ZNF780B: variants seen among roughly 807,000 people sequenced by gnomAD.
ZNF780B encodes the protein zinc finger protein 780B, also known as zinc finger protein 779.
ZNF780B carries 52 observed loss-of-function variants against 74.1 expected under a neutral mutation model. The ratio of observed to expected loss-of-function variants is 0.70; its 90% CI spans 0.56 to 0.88. The LOEUF is 0.88. Among genes scored for constraint, ZNF780B ranks in the 40% least tolerant of loss-of-function variants. The pLI, the probability that ZNF780B is intolerant of heterozygous loss-of-function variation, is 0.00. For synonymous variants in ZNF780B, 315 were observed against 324.3 expected, an observed-to-expected ratio of 0.97 and a Z score of 0.31; for missense variants, 953 against 1,007.6, an observed-to-expected ratio of 0.95 and a Z score of 0.73.
intron 1 of ZNF780B, among the ~76,000 whole-genome samples, chr19:40,055,062 A>AGGAGGCCTGTAAAGAGTC (rs1480686657): frequency 2.6e-5 from 4 of 152,342 alleles, no homozygotes; most frequent in Admixed American, 2.6e-4. Flanking sequence ...TACTTGGAAA[A>AGGAGGCCTGTAAAGAGTC]GGAGGCCTGT....
chr19:40,032,527 G>A lies in ZNF780B; in HGVS notation c.*1830C>T. ...AGGTCAGGAGATCGAGACCATCCTG[G>A]CTAACAGAGTGAAACCCTGTCTCTA... is the stretch of plus-strand genomic sequence containing the variant. On this transcript the variant is annotated 3_prime_UTR_variant, in exon 5 of 5. Transcript: ENST00000434248. The A allele has an allele frequency of 4.6e-6, 1 of 215,984 alleles. No individual in the cohort carries two copies. Among genetic ancestry groups the A allele is most frequent in the South Asian group, 6.4e-5 (1 of 15,718 alleles). 13.4% of individuals were successfully genotyped at this position (215,984 alleles called of 1,614,324 possible).
intron 2 of ZNF780B, among the ~76,000 whole-genome samples, chr19:40,049,625 C>A (rs1383211894): frequency 1.3e-5 from 2 of 152,154 alleles, no homozygotes; most frequent in Non-Finnish European, 2.9e-5. Context: ...CTAGAAAGCT[C>A]CAGTCTGTGG....
In ZNF780B at chr19:40,032,610, C is replaced by T; in HGVS notation, c.*1747G>A. The T allele has an allele frequency of 2.3e-5, 4 of 171,942 alleles. No homozygotes were observed. The highest frequency in any genetic ancestry group is 3.7e-5 in the Non-Finnish European group (3 of 82,030). The allele number at this position is 171,942 out of a possible 1,614,324, so 10.7% of individuals were successfully genotyped here. On this transcript the variant is annotated 3_prime_UTR_variant, in exon 5 of 5. Coordinates refer to ENST00000434248, the MANE Select transcript of ZNF780B (RefSeq NM_001005851.3). The stretch of plus-strand genomic sequence containing the variant: ...GCGGGTGCCTCTAGTCCCAGCTACT[C>T]AGGAGGCTGAGGCGGGAGAATGGCG...
Position 40,040,080 on chromosome 19 carries a change from A to G in ZNF780B, c.233-3454T>C, listed in dbSNP as rs536462583. ...GATAGCTCTTATTATTTTGAGATAC[A>G]TCCCATCAATACCTCATTTATTGAG... is the stretch of plus-strand genomic sequence containing the variant. On this transcript the variant is annotated intron_variant, in intron 4 of 4. Transcript: ENST00000434248. 7.8e-3 allele frequency among the ~76,000 whole-genome samples: 1,188 copies of G among 152,238 alleles called. 5 individuals carry two copies. The highest frequency in any genetic ancestry group is 0.012 in the Non-Finnish European group (793 of 68,002).
chr19:40,043,027 G>A (rs1229891517), intron 4 of ZNF780B, among the ~76,000 whole-genome samples: 2 of 152,098 alleles, frequency 1.3e-5, no homozygotes, highest in African/African-American at 4.8e-5. Flanking sequence ...CCCCATCTTT[G>A]TGGTTTTATC....
chr19:40,035,520 A>C lies in ZNF780B; in HGVS notation c.1339T>G (p.Cys447Gly), dbSNP rs748668153. The change falls in exon 5 of 5, where the codon TGT becomes GGT. Residue 447 changes from cysteine (C) to glycine (G), a missense_variant. Transcript: ENST00000434248. Reference sequence around the variant, plus strand: ...CGAAAGGCCATCTCACATTCCCTACATACAAAGGGTTTCTCATTGGAATGA... The same window carrying C: ...CGAAAGGCCATCTCACATTCCCTACCTACAAAGGGTTTCTCATTGGAATGA... ...KIHSNEKPFV[C>G]RECEMAFRYH... The C allele has an allele frequency of 1.2e-6, 2 of 1,613,880 alleles. No individual in the cohort carries two copies. The highest frequency in any genetic ancestry group is 1.7e-6 in the Non-Finnish European group (2 of 1,180,008).
chr19:40,050,471 A>G lies in ZNF780B; in HGVS notation c.-45-94T>C, dbSNP rs1377919883. ...TTTTATCCTCCATTCCTATTTCTCAACTACTCCTGCTCACACGCACACTTC... is the reference window on the plus strand; with the variant it reads ...TTTTATCCTCCATTCCTATTTCTCAGCTACTCCTGCTCACACGCACACTTC... On this transcript the variant is annotated intron_variant, in intron 1 of 4. Transcript: ENST00000434248. 1.3e-5 allele frequency: 16 copies of G among 1,245,274 alleles called. No homozygotes were observed. In the East Asian group the frequency reaches 3.8e-4, roughly 30 times the overall value. 77.1% of individuals were successfully genotyped at this position (1,245,274 alleles called of 1,614,324 possible). A position where few individuals can be genotyped will look rare whatever the true frequency, so the allele number is the denominator to read the frequency against.
At chr19:40,050,508 C>T (rs774045580) in intron 1 of ZNF780B, 131 bp from the exon 2 acceptor site, 34 of 917,574 alleles carry the variant, frequency 3.7e-5, no homozygotes, top group African/African-American at 1.0e-4. Flanking sequence ...ACCCTTCTCC[C>T]GTCACTCCCT....
rs1971945669 is a variant in ZNF780B at position 40,029,046 on chromosome 19, A to C, written c.*5311T>G. The C allele has an allele frequency of 6.6e-6, 1 of 152,232 alleles. No homozygotes were observed. The highest frequency in any genetic ancestry group is 2.4e-5 in the African/African-American group (1 of 41,458). The allele number at this position is 152,232 out of a possible 1,614,324, so 9.4% of individuals were successfully genotyped here. On this transcript the variant is annotated 3_prime_UTR_variant, in exon 5 of 5. Coordinates refer to ENST00000434248, the MANE Select transcript of ZNF780B (RefSeq NM_001005851.3). ...GTAGAATGGATATGCGGGCCTAATA[A>C]ATAACAGATCCTGACCCACTGAGGA... is the stretch of plus-strand genomic sequence containing the variant.
chr19:40,028,846 A>G lies in ZNF780B; in HGVS notation c.*5511T>C, dbSNP rs1177811777. The G allele has an allele frequency of 6.6e-6, 1 of 152,202 alleles. No individual in the cohort carries two copies. Among genetic ancestry groups the G allele is most frequent in the African/African-American group, 2.4e-5 (1 of 41,448 alleles). The allele number at this position is 152,202 out of a possible 1,614,324, so 9.4% of individuals were successfully genotyped here. A position where few individuals can be genotyped will look rare whatever the true frequency, so the allele number is the denominator to read the frequency against. On this transcript the variant is annotated 3_prime_UTR_variant, in exon 5 of 5. Coordinates refer to ENST00000434248, the MANE Select transcript of ZNF780B (RefSeq NM_001005851.3). ...ACCCAGATTTCTCAAATATTAATAT[A>G]TTAAGCTAGTTTGTTTTAAGAGGTT...
At position 40,030,082 on chromosome 19, in the gene ZNF780B, TCTGA is replaced by T. The variant is rs759644647; in HGVS notation, c.*4271_*4274del. ...CCCCATTTTAAGTCAAGGAGCATAC[TCTGA>T]CTGAGTATGTCTTAGTTTTGTGTTG... On this transcript the variant is annotated 3_prime_UTR_variant, in exon 5 of 5. Coordinates refer to ENST00000434248, the MANE Select transcript of ZNF780B (RefSeq NM_001005851.3). 1 of 152,194 alleles carries T rather than the reference TCTGA, an allele frequency of 6.6e-6. No homozygotes were observed. The highest frequency in any genetic ancestry group is 2.1e-4 in the South Asian group (1 of 4,824). 9.4% of individuals were successfully genotyped at this position (152,194 alleles called of 1,614,324 possible).
rs1184333896 is a variant in ZNF780B, at chr19:40,035,975, T to G, written c.884A>C (p.His295Pro). 12 of 1,613,962 alleles carry G rather than the reference T, an allele frequency of 7.4e-6. No individual in the cohort carries two copies. Among genetic ancestry groups the G allele is most frequent in the East Asian group, 2.2e-5 (1 of 44,878 alleles). ...TTTCTCATTGGAATGAATTTTTTGA[T>G]GCTGAATAAGATTTGAACCACGATT... ...AFNRGSNLIQ[H>P]QKIHSNEKPF... The change falls in exon 5 of 5, where the codon CAT becomes CCT. Residue 295 changes from histidine (H) to proline (P), a missense_variant. By Grantham distance (77) the His-to-Pro change is moderately conservative. Coordinates refer to ENST00000434248, the MANE Select transcript of ZNF780B (RefSeq NM_001005851.3).
Position 40,036,460 on chromosome 19 carries a change from T to C in ZNF780B, c.399A>G (p.Gly133=). ...EYRSRFEGRQ[G]HQEGYINQKI... ...TCTGGTTGATATATCCTTCTTGATG[T>C]CCCTGTCGTCCCTCAAATCTACTTC... The change falls in exon 5 of 5, where the codon GGA becomes GGG. Residue 133 remains glycine, a synonymous_variant. Transcript: ENST00000434248. The C allele has an allele frequency of 6.2e-7, 1 of 1,609,296 alleles. No homozygotes were observed. The highest frequency in any genetic ancestry group is 2.2e-5 in the East Asian group (1 of 44,848).
Position 40,035,478 on chromosome 19 carries a change from T to A in ZNF780B, c.1381A>T (p.Ile461Phe). ...CCAGTATGAATTTGGCAATGTTGAATAAGTTGGTAATGATATCGAAAGGCC... is the reference window on the plus strand; with the variant it reads ...CCAGTATGAATTTGGCAATGTTGAAAAAGTTGGTAATGATATCGAAAGGCC... ...EMAFRYHYQL[I>F]QHCQIHTGGK... The change falls in exon 5 of 5, where the codon ATT (isoleucine) becomes TTT (phenylalanine). Residue 461 changes from isoleucine to phenylalanine, a missense_variant. Ile to Phe is a conservative substitution (Grantham distance 21). Coordinates refer to ENST00000434248, the MANE Select transcript of ZNF780B (RefSeq NM_001005851.3). The A allele has an allele frequency of 6.2e-7, 1 of 1,614,172 alleles. No individual in the cohort carries two copies. The highest frequency in any genetic ancestry group is 8.5e-7 in the Non-Finnish European group (1 of 1,180,018).
chr19:40,049,353 AT>A (rs1973102507), intron 2 of ZNF780B, among the ~76,000 whole-genome samples: 1 of 151,824 alleles, frequency 6.6e-6, no homozygotes, highest in East Asian at 1.9e-4. Context: ...ATGACAAATG[AT>A]TTTTATAAGC....
chr19:40,046,482 A>T (rs528371500), intron 4 of ZNF780B, among the ~76,000 whole-genome samples: 1 of 152,370 alleles, frequency 6.6e-6, no homozygotes, highest in East Asian at 1.9e-4. Flanking sequence ...ACTCCGACGT[A>T]ACTCTCAGAC....
At chr19:40,042,291 C>A (rs572245930) in intron 4 of ZNF780B, among the ~76,000 whole-genome samples, 19 of 152,298 alleles carry the variant, frequency 1.2e-4, no homozygotes, top group Admixed American at 5.2e-4. Context: ...TGATGGGCTT[C>A]CCTTTGTGGG....
chr19:40,043,770 A>G lies in ZNF780B; in HGVS notation c.232+3605T>C, dbSNP rs553612863. Among the ~76,000 whole-genome samples, 2 of 152,260 alleles carry G rather than the reference A, an allele frequency of 1.3e-5. 1 individual carries two copies. Among genetic ancestry groups the G allele is most frequent in the African/African-American group, 4.8e-5 (2 of 41,562 alleles). ...GCCCATTGGAAAAGCACAATATTAGAGTGGGAGTGACCCGATTTTCCAGGT... is the reference window on the plus strand; with the variant it reads ...GCCCATTGGAAAAGCACAATATTAGGGTGGGAGTGACCCGATTTTCCAGGT... On this transcript the variant is annotated intron_variant, in intron 4 of 4. Coordinates refer to ENST00000434248, the MANE Select transcript of ZNF780B (RefSeq NM_001005851.3).
At chr19:40,040,394 A>G (rs954158067) in intron 4 of ZNF780B, among the ~76,000 whole-genome samples, 211 of 152,236 alleles carry the variant, frequency 1.4e-3, no homozygotes, top group Admixed American at 2.6e-3. Context: ...GTCTCTGCCC[A>G]GCTTTGGTAT....
Sources: allele counts gnomAD v4.1 joint callset (sites outside exome capture counted in the v4.1 genomes callset), GRCh38; gene constraint gnomAD v4.1.1; transcripts MANE v1.5; gene names NCBI Gene and HGNC (gene_info 2026-07-23, HGNC 2026-07-21).